The following GPC5 variants were observed in gnomAD, a reference collection of about 807,000 sequenced individuals.
The protein encoded by GPC5 is glypican-5.
GPC5 carries 47 observed loss-of-function variants against 53.9 expected under a neutral mutation model. The ratio of observed to expected loss-of-function variants is 0.87; its 90% confidence interval spans 0.69 to 1.11. GPC5 has a LOEUF of 1.11. GPC5 is among the 50% of genes most tolerant of loss of function. GPC5 has a pLI of 0.00. For synonymous variants in GPC5, 286 were observed against 263.3 expected (o/e 1.09, Z -0.84); for missense variants, 748 against 713.1 (o/e 1.05, Z -0.56).
chr13:91,856,550 A>G (rs2138902245), intron 5 of GPC5, among the ~76,000 whole-genome samples: 1 of 151,534 alleles, frequency 6.6e-6, no homozygotes, highest in East Asian at 1.9e-4. Context: ...TTTACACAAA[A>G]TTAAAGATGT....
chr13:91,717,706 G>A (rs2036369375), intron 3 of GPC5, among the ~76,000 whole-genome samples: 1 of 152,014 alleles, frequency 6.6e-6, no homozygotes, highest in South Asian at 2.1e-4. Flanking sequence ...ACAGATGCCT[G>A]CCATCATGCC....
At chr13:91,768,569 G>T (rs889224936) in intron 5 of GPC5, among the ~76,000 whole-genome samples, 5 of 152,122 alleles carry the variant, frequency 3.3e-5, no homozygotes, top group Admixed American at 6.6e-5. Flanking sequence ...TAGTCATGAA[G>T]AAATGAAATA....
intron 6 of GPC5, among the ~76,000 whole-genome samples, chr13:92,007,707 T>A (rs1465592194): frequency 6.6e-6 from 1 of 152,186 alleles, no homozygotes; most frequent in Non-Finnish European, 1.5e-5. Context: ...TTAATATAGT[T>A]TGATTTGAAA....
intron 5 of GPC5, among the ~76,000 whole-genome samples, chr13:91,774,636 A>C (rs2037680252): frequency 6.6e-6 from 1 of 152,134 alleles, no homozygotes; most frequent in Non-Finnish European, 1.5e-5. Flanking sequence ...CATGATGGTG[A>C]CAGTGCCTTC....
At chr13:91,608,028 G>A (rs1043829023) in intron 2 of GPC5, among the ~76,000 whole-genome samples, 1 of 152,014 alleles carries the variant, frequency 6.6e-6, no homozygotes, top group Non-Finnish European at 1.5e-5. Flanking sequence ...ATGCTATATG[G>A]AACATTTTCA....
At chr13:92,817,542 T>G (rs2138806213) in intron 7 of GPC5, among the ~76,000 whole-genome samples, 1 of 152,102 alleles carries the variant, frequency 6.6e-6, no homozygotes, top group South Asian at 2.1e-4. Flanking sequence ...ACTATTTGGT[T>G]TACTGTACAG....
At chr13:92,470,526 A>C (rs770131493) in intron 7 of GPC5, among the ~76,000 whole-genome samples, 3 of 152,080 alleles carry the variant, frequency 2.0e-5, no homozygotes, top group Non-Finnish European at 2.9e-5. Context: ...GTCTAAGAGA[A>C]GAGAAAAACT....
In GPC5 at chr13:92,715,430, G is replaced by GAA. The variant is rs1384138157; in HGVS notation, c.1562-150851_1562-150850dup. Reference sequence around the variant, plus strand: ...TCTAAATTCAAGAAATAGTGAGCTGGAAGAAGGCTTAGGAAGGGAAATAAT... The same window carrying GAA: ...TCTAAATTCAAGAAATAGTGAGCTGGAAAAGAAGGCTTAGGAAGGGAAATAAT... On this transcript the variant is annotated intron_variant, in intron 7 of 7. Coordinates refer to ENST00000377067, the MANE Select transcript of GPC5 (RefSeq NM_004466.6). 1.3e-5 allele frequency among the ~76,000 whole-genome samples: 2 copies of GAA among 152,282 alleles called. 1 individual carries two copies. Among genetic ancestry groups the GAA allele is most frequent in the Admixed American group, 1.3e-4 (2 of 15,290 alleles).
chr13:91,492,143 G>A (rs1295934044), intron 2 of GPC5, among the ~76,000 whole-genome samples: 1 of 151,888 alleles, frequency 6.6e-6, no homozygotes, highest in Non-Finnish European at 1.5e-5. Context: ...ATCCTTTTTT[G>A]TTACTTGAAA....
At chr13:92,862,626 C>CAGAT (rs369002690) in intron 7 of GPC5, among the ~76,000 whole-genome samples, 25,553 of 129,550 alleles carry the variant, frequency 0.2, 2,211 homozygotes, top group Middle Eastern at 0.23. Context: ...GATAGATAGA[C>CAGAT]AGATAGATAG....
chr13:91,949,482 G>A (rs1251619900), intron 6 of GPC5, among the ~76,000 whole-genome samples: 1 of 152,142 alleles, frequency 6.6e-6, no homozygotes, highest in South Asian at 2.1e-4. Flanking sequence ...AAAATAATGA[G>A]ATAAGTTTTA....
intron 7 of GPC5, among the ~76,000 whole-genome samples, chr13:92,634,868 T>C (rs1346340731): frequency 6.6e-6 from 1 of 152,018 alleles, no homozygotes; most frequent in Non-Finnish European, 1.5e-5. Context: ...TTTAATATTT[T>C]AAGTTTCCTT....
At chr13:92,766,893 T>C (rs920370098) in intron 7 of GPC5, among the ~76,000 whole-genome samples, 9 of 152,236 alleles carry the variant, frequency 5.9e-5, no homozygotes, top group African/African-American at 2.2e-4. Flanking sequence ...TTCTATTTTC[T>C]CTAATTCACT....
In GPC5 at chr13:91,644,817, A is replaced by G. The variant is rs192141695; in HGVS notation, c.326-48370A>G. Among the ~76,000 whole-genome samples, 163 of 152,326 alleles carry G rather than the reference A, an allele frequency of 1.1e-3. 2 individuals are homozygous for G. Among genetic ancestry groups the G allele is most frequent in the African/African-American group, 3.8e-3 (158 of 41,584 alleles). On this transcript the variant is annotated intron_variant, in intron 2 of 7. Transcript: ENST00000377067. ...CCATTTATTTTGTGACTGTGTACAG[A>G]TACTCTGAAAAAGTCATGGCAAAAA...
rs1491168569 is a variant in GPC5, at chr13:92,347,924, T to TATATATAATATA, written c.1561+202935_1561+202936insATATATAATATA. Among the ~76,000 whole-genome samples, 18 of 3,698 alleles carry TATATATAATATA rather than the reference T, an allele frequency of 4.9e-3. 3 individuals carry two copies. Among genetic ancestry groups the TATATATAATATA allele is most frequent in the African/African-American group, 0.036 (17 of 472 alleles). The allele number at this position is 3,698 out of a possible 152,430, so 2.4% of individuals were successfully genotyped here. ...ATAATATATATATAATATATATATA[T>TATATATAATATA]TATATATACATCTTATATGTAAACC... On this transcript the variant is annotated intron_variant, in intron 7 of 7. Transcript: ENST00000377067.
chr13:91,969,873 G>A (rs1360477031), intron 6 of GPC5, among the ~76,000 whole-genome samples: 3 of 152,150 alleles, frequency 2.0e-5, no homozygotes, highest in Non-Finnish European at 4.4e-5. Context: ...GATTACAAGT[G>A]TTGGTGAGGA....
intron 7 of GPC5, among the ~76,000 whole-genome samples, chr13:92,429,758 G>A (rs1448589072): frequency 6.6e-6 from 1 of 152,022 alleles, no homozygotes; most frequent in African/African-American, 2.4e-5. Context: ...TAGATGGATA[G>A]GTAAGAAAGT....
chr13:91,954,344 T>A lies in GPC5; in HGVS notation c.1401+46287T>A, dbSNP rs149390442. On this transcript the variant is annotated intron_variant, in intron 6 of 7. Transcript: ENST00000377067. ...ATTACTTCAGATCCTAAACAAAATA[T>A]GTGTAACAGGAATCGGTGATATATT... Among the ~76,000 whole-genome samples the A allele has an allele frequency of 4.8e-3, 737 of 152,300 alleles. 6 individuals carry two copies. Among genetic ancestry groups the A allele is most frequent in the African/African-American group, 0.017 (691 of 41,564 alleles).
chr13:92,697,811 A>G (rs1887602284), intron 7 of GPC5, among the ~76,000 whole-genome samples: 1 of 152,326 alleles, frequency 6.6e-6, no homozygotes, highest in South Asian at 2.1e-4. Flanking sequence ...TTGCCCATTC[A>G]GTATGATACT....
Sources: gnomAD v4.1 joint callset for allele counts (sites outside exome capture counted in the v4.1 genomes callset) on GRCh38, gnomAD v4.1.1 for gene constraint, MANE v1.5 for transcripts, NCBI Gene and HGNC (gene_info 2026-07-23, HGNC 2026-07-21) for gene names.